Variants in PTPRN2 observed in about 807,000 individuals in gnomAD.
PTPRN2 encodes receptor-type tyrosine-protein phosphatase N2.
PTPRN2 carries 74 observed loss-of-function variants against 118.8 expected under a neutral mutation model. That is an observed-to-expected ratio of 0.62 (90% CI 0.52 to 0.76). The LOEUF is 0.76. Ranked by LOEUF, PTPRN2 falls within the 30% of genes least tolerant of loss-of-function variation. PTPRN2 has a pLI of 0.00. For missense variants in PTPRN2, 1,481 were observed against 1,394.4 expected, an observed-to-expected ratio of 1.06 and a Z score of -0.99; for synonymous variants, 641 against 608.0, an observed-to-expected ratio of 1.05 and a Z score of -0.80.
chr7:158,435,674 A>C (rs1211698573), intron 2 of PTPRN2, among the ~76,000 whole-genome samples: 1 of 152,224 alleles, frequency 6.6e-6, no homozygotes, highest in Non-Finnish European at 1.5e-5. Flanking sequence ...CCACAACCCA[A>C]ATGTCCATCA....
intron 12 of PTPRN2, among the ~76,000 whole-genome samples, chr7:157,892,329 C>T (rs930482911): frequency 6.6e-6 from 1 of 152,210 alleles, no homozygotes; most frequent in Non-Finnish European, 1.5e-5. Flanking sequence ...TGGTGATTAT[C>T]ACTTTCCTTT....
intron 12 of PTPRN2, among the ~76,000 whole-genome samples, chr7:157,722,323 G>A (rs1280383131): frequency 6.6e-6 from 1 of 152,258 alleles, no homozygotes; most frequent in Non-Finnish European, 1.5e-5. Flanking sequence ...TCCCGCCAGG[G>A]AGGGGAGGCC....
intron 2 of PTPRN2, among the ~76,000 whole-genome samples, chr7:158,394,161 G>A (rs866143208): frequency 9.2e-4 from 106 of 114,692 alleles, no homozygotes; most frequent in African/African-American, 8.3e-4. Flanking sequence ...TGTCCCCGAC[G>A]GACACCTGGA....
At chr7:158,072,362 CAAG>C (rs1288122165) in intron 11 of PTPRN2, among the ~76,000 whole-genome samples, 1 of 152,150 alleles carries the variant, frequency 6.6e-6, no homozygotes, top group Non-Finnish European at 1.5e-5. Flanking sequence ...TGTAAATTTT[CAAG>C]AATGGGCCTT....
At chr7:158,162,095 C>T (rs143444962) in intron 6 of PTPRN2, among the ~76,000 whole-genome samples, 378 of 152,246 alleles carry the variant, frequency 2.5e-3, no homozygotes, top group African/African-American at 8.2e-3. Flanking sequence ...CCAATGCAGG[C>T]GAGGATGTGG....
chr7:158,018,315 T>C (rs1260502442), intron 11 of PTPRN2, among the ~76,000 whole-genome samples: 1 of 152,220 alleles, frequency 6.6e-6, no homozygotes, highest in East Asian at 1.9e-4. Context: ...AAAAGGCTCT[T>C]GCCTGTATGA....
intron 6 of PTPRN2, among the ~76,000 whole-genome samples, chr7:158,149,501 G>C (rs1409083119): frequency 1.3e-5 from 2 of 151,824 alleles, no homozygotes; most frequent in East Asian, 3.9e-4. Context: ...TTAACTCACT[G>C]ATTTTTAAAA....
intron 21 of PTPRN2, among the ~76,000 whole-genome samples, chr7:157,562,865 A>G (rs1299249219): frequency 1.6e-5 from 2 of 128,030 alleles, no homozygotes; most frequent in Admixed American, 8.1e-5. Context: ...ACGTGCTCCC[A>G]TGTCACCACA....
At chr7:158,389,455 T>A (rs1270731835) in intron 2 of PTPRN2, among the ~76,000 whole-genome samples, 1 of 152,228 alleles carries the variant, frequency 6.6e-6, no homozygotes, top group Non-Finnish European at 1.5e-5. Context: ...CTCTGGTCAT[T>A]GAAGAATGAA....
At chr7:158,248,686 CCA>C (rs757245112) in intron 3 of PTPRN2, among the ~76,000 whole-genome samples, 3 of 148,960 alleles carry the variant, frequency 2.0e-5, no homozygotes, top group Non-Finnish European at 3.0e-5. Flanking sequence ...CATATATACA[CCA>C]CACACGTGCA....
rs1428915066 is a variant in PTPRN2 at position 157,596,366 on chromosome 7, A to G, written c.2419-1051T>C. Among the ~76,000 whole-genome samples, 2 of 152,190 alleles carry G rather than the reference A, an allele frequency of 1.3e-5. No homozygotes were observed. The highest frequency in any genetic ancestry group is 2.9e-5 in the Non-Finnish European group (2 of 68,032). ...TTTCCCCACCAGGCAGGGACCAGAA[A>G]CAAAGAGGGCAGGTGTGGGCTCTCC... On this transcript the variant is annotated intron_variant, in intron 16 of 22. Coordinates refer to ENST00000389418, the MANE Select transcript of PTPRN2 (RefSeq NM_002847.5). This position sits in a 1 kb window ranked among gnomAD's most constrained non-coding sequence, Gnocchi z 4.2.
At chr7:158,201,434 C>A (rs1043922302) in intron 4 of PTPRN2, among the ~76,000 whole-genome samples, 3 of 152,052 alleles carry the variant, frequency 2.0e-5, no homozygotes, top group African/African-American at 7.2e-5. Flanking sequence ...CATTATGAGA[C>A]AAAGGGAAAA....
At chr7:158,422,338 T>C (rs184514948) in intron 2 of PTPRN2, among the ~76,000 whole-genome samples, 11 of 152,340 alleles carry the variant, frequency 7.2e-5, no homozygotes, top group Admixed American at 4.6e-4. Flanking sequence ...AGAGCTGGAA[T>C]GGCAGGTTGA....
intron 11 of PTPRN2, among the ~76,000 whole-genome samples, chr7:157,936,415 C>T (rs1049436408): frequency 1.3e-5 from 2 of 152,194 alleles, no homozygotes; most frequent in African/African-American, 4.8e-5. Context: ...TCCACCAGGC[C>T]CCGCGAGCAT....
chr7:158,403,963 T>C (rs2151413258), intron 2 of PTPRN2, among the ~76,000 whole-genome samples: 1 of 152,330 alleles, frequency 6.6e-6, no homozygotes, highest in Non-Finnish European at 1.5e-5. Context: ...ATTCCATTTT[T>C]ATAATTACTC....
chr7:157,548,991 G>A lies in PTPRN2; in HGVS notation c.2931C>T (p.Thr977=), dbSNP rs777743361. 2.5e-6 allele frequency: 4 copies of A among 1,614,168 alleles called. No individual in the cohort carries two copies. The highest frequency in any genetic ancestry group is 3.4e-6 in the Non-Finnish European group (4 of 1,180,034). The change falls in exon 22 of 23, where the codon ACC becomes ACT. Residue 977 remains threonine (T), a synonymous_variant. Coordinates refer to ENST00000389418, the MANE Select transcript of PTPRN2 (RefSeq NM_002847.5). ...KGAKEIDIAA[T]LEHLRDQRPG... ...GTCTCTGGTCCCTCAAGTGCTCCAG[G>A]GTCGCTGCGATATCAATCTCTTTAG...
chr7:158,042,176 T>C (rs1808516011), intron 11 of PTPRN2, among the ~76,000 whole-genome samples: 1 of 152,166 alleles, frequency 6.6e-6, no homozygotes, highest in Non-Finnish European at 1.5e-5. Context: ...CACCAGCTTT[T>C]GGGTGCATAC....
At chr7:158,421,256 T>G (rs2335167) in intron 2 of PTPRN2, among the ~76,000 whole-genome samples, 66,975 of 151,946 alleles carry the variant, frequency 0.44, 15,795 homozygotes, top group East Asian at 0.76. Flanking sequence ...GAATCACACT[T>G]GAAAAAAGAG....
intron 11 of PTPRN2, among the ~76,000 whole-genome samples, chr7:157,973,778 C>A (rs1802519289): frequency 6.6e-6 from 1 of 152,140 alleles, no homozygotes; most frequent in Non-Finnish European, 1.5e-5. Flanking sequence ...GAAAGCATAG[C>A]AACAAAGATA....
Sources: gnomAD v4.1 joint callset for allele counts (sites outside exome capture counted in the v4.1 genomes callset) on GRCh38, gnomAD v4.1.1 for gene constraint, Gnocchi (gnomAD v3.1) non-coding constraint, MANE v1.5 for transcripts, NCBI Gene and HGNC (gene_info 2026-07-23, HGNC 2026-07-21) for gene names.